ROBO2: variants seen among roughly 807,000 people sequenced by gnomAD.
ROBO2 encodes the protein roundabout guidance receptor 2.
A neutral mutation model predicts 160.8 loss-of-function variants in ROBO2; 53 were observed. That is an observed-to-expected ratio of 0.33 (90% confidence interval 0.26 to 0.41). The LOEUF is 0.41. ROBO2 is among the 10% of genes least tolerant of loss of function. The pLI, the probability that ROBO2 is intolerant of heterozygous loss-of-function variation, is 1.00. For missense variants in ROBO2, 1,577 were observed against 1,722.4 expected, an observed-to-expected ratio of 0.92 and a Z score of 1.49; for synonymous variants, 664 against 611.7, an observed-to-expected ratio of 1.09 and a Z score of -1.26.
intron 2 of ROBO2, among the ~76,000 whole-genome samples, chr3:76,841,180 G>A (rs1482269990): frequency 6.6e-6 from 1 of 152,158 alleles, no homozygotes; most frequent in African/African-American, 2.4e-5. Flanking sequence ...CATTGGATTA[G>A]AAAGAACCCA....
intron 2 of ROBO2, among the ~76,000 whole-genome samples, chr3:76,733,525 C>T (rs1177320866): frequency 6.6e-6 from 1 of 152,222 alleles, no homozygotes; most frequent in African/African-American, 2.4e-5. Context: ...GTGCCAAGCA[C>T]ATTAGAGCAG....
chr3:76,913,656 C>T (rs2076127105), intron 2 of ROBO2, among the ~76,000 whole-genome samples: 2 of 152,130 alleles, frequency 1.3e-5, no homozygotes, highest in African/African-American at 4.8e-5. Flanking sequence ...CAGATTTATT[C>T]TGCCTGAAAA....
chr3:76,174,496 G>A (rs932590588), intron 2 of ROBO2, among the ~76,000 whole-genome samples: 16 of 152,070 alleles, frequency 1.1e-4, no homozygotes, highest in Admixed American at 9.2e-4. Context: ...TATGGTTTTA[G>A]GTTTTATGTT....
chr3:77,236,730 C>A (rs1441804765), intron 2 of ROBO2, among the ~76,000 whole-genome samples: 1 of 152,144 alleles, frequency 6.6e-6, no homozygotes, highest in African/African-American at 2.4e-5. Flanking sequence ...CCCTGAAAAC[C>A]ACTGATCTTT....
At chr3:76,258,942 A>G (rs1408563704) in intron 2 of ROBO2, among the ~76,000 whole-genome samples, 2 of 152,094 alleles carry the variant, frequency 1.3e-5, no homozygotes, top group East Asian at 3.9e-4. Context: ...GAGAAAAGTC[A>G]TCACATTTTA....
chr3:76,240,974 T>C (rs1262521591), intron 2 of ROBO2, among the ~76,000 whole-genome samples: 4 of 152,226 alleles, frequency 2.6e-5, no homozygotes, highest in South Asian at 2.1e-4. Flanking sequence ...AATAAAAATA[T>C]AGTCCTATGG....
intron 2 of ROBO2, among the ~76,000 whole-genome samples, chr3:76,682,746 G>A (rs1231533101): frequency 1.3e-5 from 2 of 152,144 alleles, no homozygotes; most frequent in Admixed American, 6.6e-5. Context: ...ACATATGTAA[G>A]CTTGAGTATC....
At chr3:76,173,048 G>A (rs1323843997) in intron 2 of ROBO2, among the ~76,000 whole-genome samples, 2 of 151,914 alleles carry the variant, frequency 1.3e-5, no homozygotes, top group African/African-American at 4.8e-5. Context: ...TTCATCAGAG[G>A]AAATATGACC....
intron 2 of ROBO2, among the ~76,000 whole-genome samples, chr3:77,281,324 C>T (rs1418283645): frequency 6.6e-6 from 1 of 152,034 alleles, no homozygotes; most frequent in East Asian, 1.9e-4. Flanking sequence ...TCGTTACCTC[C>T]CAGACACTTG....
At chr3:76,351,277 A>G (rs529330521) in intron 2 of ROBO2, among the ~76,000 whole-genome samples, 25 of 151,928 alleles carry the variant, frequency 1.6e-4, no homozygotes, top group Non-Finnish European at 2.9e-4. Context: ...AAAGCACAAT[A>G]CTAATAGCAA....
chr3:76,751,886 A>G (rs2060674958), intron 2 of ROBO2, among the ~76,000 whole-genome samples: 1 of 152,172 alleles, frequency 6.6e-6, no homozygotes, highest in Non-Finnish European at 1.5e-5. Context: ...CAGTGTGGCG[A>G]TTCCTCAAGG....
intron 2 of ROBO2, among the ~76,000 whole-genome samples, chr3:76,070,170 A>G (rs1270858663): frequency 1.3e-5 from 2 of 152,250 alleles, no homozygotes; most frequent in African/African-American, 4.8e-5. Flanking sequence ...TTAGGAAACA[A>G]CAGAGATAAC....
At chr3:77,021,552 C>T (rs73843446) in intron 2 of ROBO2, among the ~76,000 whole-genome samples, 7 of 152,026 alleles carry the variant, frequency 4.6e-5, no homozygotes, top group Non-Finnish European at 7.4e-5. Context: ...GGAGGTCCTG[C>T]CCTATACCCA....
At chr3:77,400,815 G>A (rs1048675839) in intron 2 of ROBO2, among the ~76,000 whole-genome samples, 1 of 152,124 alleles carries the variant, frequency 6.6e-6, no homozygotes, top group East Asian at 1.9e-4. Flanking sequence ...CTGAGATAGA[G>A]CCTGGTTAAG....
intron 2 of ROBO2, among the ~76,000 whole-genome samples, chr3:76,739,202 T>G (rs1029696592): frequency 6.6e-6 from 1 of 152,152 alleles, no homozygotes; most frequent in Non-Finnish European, 1.5e-5. Flanking sequence ...GCGGCACTAT[T>G]CACGATAGCA....
chr3:76,029,271 G>C (rs1364902707), intron 2 of ROBO2, among the ~76,000 whole-genome samples: 1 of 151,676 alleles, frequency 6.6e-6, no homozygotes, highest in Non-Finnish European at 1.5e-5. Context: ...ATTTGTTTTT[G>C]TTAACTGTGT....
At chr3:76,566,108 G>A (rs556795153) in intron 2 of ROBO2, among the ~76,000 whole-genome samples, 1 of 152,020 alleles carries the variant, frequency 6.6e-6, no homozygotes, top group South Asian at 2.1e-4. Flanking sequence ...TGTGTAGACT[G>A]CGTGTGAAGG....
rs146773139 is a variant in ROBO2, at chr3:76,927,582, T to A, written c.110-170432T>A. ...TCAAGGAAAGAAATACCATTTTATA[T>A]CAACAACGCATAAGAATTATTTTCA... On this transcript the variant is annotated intron_variant, in intron 2 of 26. Coordinates refer to the ROBO2 transcript ENST00000487694. Among the ~76,000 whole-genome samples, 23 of 152,318 alleles carry A rather than the reference T, an allele frequency of 1.5e-4. No individual in the cohort carries two copies. In the East Asian group the frequency reaches 4.4e-3, roughly 29 times the overall value.
At chr3:77,021,853 T>C (rs1041768762) in intron 2 of ROBO2, among the ~76,000 whole-genome samples, 7 of 152,158 alleles carry the variant, frequency 4.6e-5, no homozygotes, top group Admixed American at 3.9e-4. Flanking sequence ...TGCCTTCCAC[T>C]GTCAGAGGAC....
Sources: allele counts gnomAD v4.1 joint callset (sites outside exome capture counted in the v4.1 genomes callset), GRCh38; gene constraint gnomAD v4.1.1; transcripts MANE v1.5; gene names NCBI Gene and HGNC (gene_info 2026-07-23, HGNC 2026-07-21).